The following CUBN variants were observed in gnomAD, a reference collection of about 807,000 sequenced individuals.
CUBN encodes the protein 460 kDa receptor.
CUBN carries 282 observed loss-of-function variants against 405.3 expected under a neutral mutation model. The ratio of observed to expected loss-of-function variants is 0.70; its 90% CI spans 0.63 to 0.77. CUBN has a LOEUF of 0.77. Ranked by LOEUF, CUBN falls within the 30% of genes least tolerant of loss-of-function variation. The pLI is 0.00. For missense variants in CUBN, 4,514 were observed against 4,475.2 expected, an observed-to-expected ratio of 1.01 and a Z score of -0.25; for synonymous variants, 1,684 against 1,617.0, an observed-to-expected ratio of 1.04 and a Z score of -0.99.
chr10:16,985,251 T>C (rs990856048), intron 29 of CUBN, among the ~76,000 whole-genome samples: 1 of 152,030 alleles, frequency 6.6e-6, no homozygotes, highest in African/African-American at 2.4e-5. Flanking sequence ...GGCAGATGAA[T>C]AGAAGAGCAG....
At chr10:16,920,306 G>A (rs928581647) in intron 43 of CUBN, among the ~76,000 whole-genome samples, 169 bp from the exon 44 acceptor site, 8 of 152,112 alleles carry the variant, frequency 5.3e-5, no homozygotes, top group Admixed American at 2.6e-4. Context: ...TTGCTATCGA[G>A]GGAGCTACGA....
chr10:16,876,486 G>A (rs1267909367), intron 57 of CUBN, among the ~76,000 whole-genome samples: 1 of 152,072 alleles, frequency 6.6e-6, no homozygotes, highest in Non-Finnish European at 1.5e-5. Context: ...AGACTGTAAA[G>A]ACATTCTCTT....
At position 17,039,032 on chromosome 10, in the gene CUBN, G is replaced by T. The variant is rs1332262764; in HGVS notation, c.4017+2001C>A. Reference sequence around the variant, plus strand: ...TTGTTGCCATTTCATCCTCAAATGAGTCGAAAGAAATGGAGTTCAGGTCCT... The same window carrying T: ...TTGTTGCCATTTCATCCTCAAATGATTCGAAAGAAATGGAGTTCAGGTCCT... On this transcript the variant is annotated intron_variant, in intron 27 of 66. Coordinates refer to ENST00000377833, the MANE Select transcript of CUBN (RefSeq NM_001081.4). Among the ~76,000 whole-genome samples, 33 of 152,110 alleles carry T rather than the reference G, an allele frequency of 2.2e-4. 1 individual carries two copies. Among genetic ancestry groups the T allele is most frequent in the Admixed American group, 2.2e-3 (33 of 15,282 alleles).
intron 27 of CUBN, among the ~76,000 whole-genome samples, chr10:17,030,875 C>T (rs45525236): frequency 0.081 from 12,285 of 151,904 alleles, 683 homozygotes; most frequent in East Asian, 0.25. Flanking sequence ...GCCAAGATTA[C>T]GCCACTGCAC....
chr10:16,834,738 G>A (rs1455952227), intron 64 of CUBN, among the ~76,000 whole-genome samples: 2 of 152,108 alleles, frequency 1.3e-5, no homozygotes, highest in African/African-American at 4.8e-5. Flanking sequence ...AACCCATGCT[G>A]GACTCAGTTA....
At chr10:16,889,062 T>C (rs914357618) in intron 55 of CUBN, among the ~76,000 whole-genome samples, 21 of 152,220 alleles carry the variant, frequency 1.4e-4, no homozygotes, top group Non-Finnish European at 2.5e-4. Flanking sequence ...CCAACTCTTA[T>C]CAAATTCTTA....
rs925522 is a variant in CUBN at position 16,990,560 on chromosome 10, A to C, written c.4169-45T>G. 0.95 allele frequency: 1,491,585 copies of C among 1,577,104 alleles called. 708,054 individuals are homozygous for C. The highest frequency in any genetic ancestry group is 0.97 in the Non-Finnish European group (1,111,174 of 1,149,500). On this transcript the variant is annotated intron_variant, in intron 28 of 66. Transcript: ENST00000377833. Reference sequence around the variant, plus strand: ...CAGTCAGTTCAAAGTGGGCAACAGCACATGGAAAATAATTCCAAATTCAAC... The same window carrying C: ...CAGTCAGTTCAAAGTGGGCAACAGCCCATGGAAAATAATTCCAAATTCAAC...
intron 45 of CUBN, 139 bp from the exon 46 acceptor site, chr10:16,916,169 T>TA (rs1349725061): frequency 7.6e-5 from 57 of 754,286 alleles, no homozygotes; most frequent in South Asian, 1.1e-4. Flanking sequence ...ATTGAAGTTT[T>TA]AAAAATTCTG....
chr10:16,972,931 C>T (rs1832976482), intron 31 of CUBN, among the ~76,000 whole-genome samples: 1 of 152,170 alleles, frequency 6.6e-6, no homozygotes, highest in African/African-American at 2.4e-5. Context: ...GCTTCCCAAA[C>T]AGACATGCTA....
chr10:16,914,018 A>C (rs1287168417), intron 47 of CUBN, 26 bp from the exon 48 acceptor site: 1 of 1,612,226 alleles, frequency 6.2e-7, no homozygotes, highest in Admixed American at 1.7e-5. Context: ...AGCCAAGAAA[A>C]CTTTCAATCA....
chr10:17,072,178 A>G (rs576165001), intron 17 of CUBN, among the ~76,000 whole-genome samples: 1 of 152,312 alleles, frequency 6.6e-6, no homozygotes, highest in East Asian at 1.9e-4. Context: ...TAAGCCAATA[A>G]AGTCCAAAAG....
chr10:16,938,304 T>C (rs76633946), intron 38 of CUBN, among the ~76,000 whole-genome samples: 1 of 152,220 alleles, frequency 6.6e-6, no homozygotes, highest in Non-Finnish European at 1.5e-5. Context: ...AAGCACTTAG[T>C]AAATCTCCTA....
Position 16,869,836 on chromosome 10 carries a change from A to G in CUBN, c.9254T>C (p.Val3085Ala). 1 of 1,612,614 alleles carries G rather than the reference A, an allele frequency of 6.2e-7. No individual in the cohort carries two copies. Among genetic ancestry groups the G allele is most frequent in the Non-Finnish European group, 8.5e-7 (1 of 1,178,606 alleles). Residue 3085 changes from valine (V) to alanine (A), a missense_variant, in exon 59 of 67, where the codon GTG becomes GCG. Physicochemically the swap from Val to Ala is moderately conservative, Grantham distance 64. Coordinates refer to ENST00000377833, the MANE Select transcript of CUBN (RefSeq NM_001081.4). ...ATGGGAGCAGGAGGTGGAGGGAACC[A>G]CATCAAAATCACTGAACCTGTGAAA... is the stretch of plus-strand genomic sequence containing the variant. ...VIELKFSDFD[V>A]VPSTSCSHDY...
chr10:16,955,141 C>T (rs968024677), intron 31 of CUBN, among the ~76,000 whole-genome samples: 2 of 151,950 alleles, frequency 1.3e-5, no homozygotes, highest in African/African-American at 4.8e-5. Context: ...GAGGCTGAGG[C>T]GGGTGGATCA....
Position 17,115,340 on chromosome 10 carries a change from C to A in CUBN, c.720+131G>T, listed in dbSNP as rs1836868125. Reference sequence around the variant, plus strand: ...GTTCATCTCCCCTCCTCGCCTATGTCCTACTTACAGACAGGAAGTGACTTC... The same window carrying A: ...GTTCATCTCCCCTCCTCGCCTATGTACTACTTACAGACAGGAAGTGACTTC... On this transcript the variant is annotated intron_variant, in intron 7 of 66. Coordinates refer to ENST00000377833, the MANE Select transcript of CUBN (RefSeq NM_001081.4). The A allele has an allele frequency of 8.3e-6, 9 of 1,086,404 alleles. No individual in the cohort carries two copies. In the South Asian group the frequency reaches 9.2e-5, roughly 11 times the overall value. 67.3% of individuals were successfully genotyped at this position (1,086,404 alleles called of 1,614,324 possible). A position where few individuals can be genotyped will look rare whatever the true frequency, so the allele number is the denominator to read the frequency against.
intron 27 of CUBN, among the ~76,000 whole-genome samples, chr10:17,022,486 C>G (rs947103172): frequency 6.6e-6 from 1 of 152,028 alleles, no homozygotes; most frequent in African/African-American, 2.4e-5. Context: ...TCAGAAGCCT[C>G]CCCTATAATG....
chr10:16,953,246 G>A (rs751470047), intron 32 of CUBN, among the ~76,000 whole-genome samples: 4 of 152,082 alleles, frequency 2.6e-5, no homozygotes, highest in African/African-American at 7.2e-5. Flanking sequence ...TTACTATGAA[G>A]CAACAAACAA....
At chr10:17,103,058 T>C (rs1836534169) in intron 13 of CUBN, 67 bp downstream of exon 13, 3 of 887,698 alleles carry the variant, frequency 3.4e-6, no homozygotes, top group Non-Finnish European at 5.6e-6. Flanking sequence ...TGTAATAAAA[T>C]ATACACATAC....
At chr10:16,913,117 C>T (rs1399410438) in intron 48 of CUBN, among the ~76,000 whole-genome samples, 1 of 152,064 alleles carries the variant, frequency 6.6e-6, no homozygotes, top group Non-Finnish European at 1.5e-5. Context: ...AAATAGACAT[C>T]AAGATTTTTG....
Sources: gnomAD v4.1 joint callset for allele counts (sites outside exome capture counted in the v4.1 genomes callset) on GRCh38, gnomAD v4.1.1 for gene constraint, MANE v1.5 for transcripts, NCBI Gene and HGNC (gene_info 2026-07-23, HGNC 2026-07-21) for gene names.